Variants in GRAMD1C observed in about 807,000 individuals in gnomAD.
GRAMD1C encodes GRAM domain containing 1C.
Under a neutral mutation model 97.8 loss-of-function variants are expected in GRAMD1C, and 89 were observed. The observed-to-expected ratio is 0.91, with a 90% CI of 0.77 to 1.09. GRAMD1C has a LOEUF of 1.09. Among genes scored for constraint, GRAMD1C ranks in the 50% least tolerant of loss-of-function variants. The pLI is 0.00. For missense variants in GRAMD1C, 740 were observed against 766.4 expected (o/e 0.97, Z 0.41); for synonymous variants, 256 against 267.0 (o/e 0.96, Z 0.40).
At chr3:113,869,840 G>T (rs148307644) in intron 3 of GRAMD1C, among the ~76,000 whole-genome samples, 164 of 152,216 alleles carry the variant, frequency 1.1e-3, no homozygotes, top group Admixed American at 3.4e-3. Context: ...CGAAGATATG[G>T]AATCAACCTA....
At chr3:113,863,553 T>C (rs1934476782) in intron 2 of GRAMD1C, among the ~76,000 whole-genome samples, 1 of 152,248 alleles carries the variant, frequency 6.6e-6, no homozygotes, top group Non-Finnish European at 1.5e-5. Flanking sequence ...ATAGTGGTGA[T>C]GATTGCACAG....
chr3:113,869,741 A>G (rs1163577006), intron 3 of GRAMD1C, 150 bp downstream of exon 3: 2 of 543,622 alleles, frequency 3.7e-6, no homozygotes, highest in Non-Finnish European at 6.5e-6. Flanking sequence ...CAGCAATCCC[A>G]TTTCTGGGTA....
intron 7 of GRAMD1C, among the ~76,000 whole-genome samples, chr3:113,902,357 G>A (rs1354981961): frequency 6.6e-6 from 1 of 152,126 alleles, no homozygotes; most frequent in Non-Finnish European, 1.5e-5. Flanking sequence ...TCCTTGAGAA[G>A]TTTAGTAGCC....
rs1341241187 is a variant in GRAMD1C, at chr3:113,873,767, C to A, written c.260-1717C>A. 2.0e-5 allele frequency among the ~76,000 whole-genome samples: 3 copies of A among 152,200 alleles called. No individual in the cohort carries two copies. In the East Asian group the frequency reaches 5.8e-4, roughly 29 times the overall value. ...CTCCTGACCTCAGGTGATCTGCCCG[C>A]CTTGGCCTCCCAAAGTACTGGGATT... On this transcript the variant is annotated intron_variant, in intron 3 of 17. Transcript: ENST00000358160.
chr3:113,840,673 T>C (rs1360628813), intron 1 of GRAMD1C, among the ~76,000 whole-genome samples: 2 of 152,124 alleles, frequency 1.3e-5, no homozygotes, highest in Non-Finnish European at 2.9e-5. Context: ...GGAAGATCAC[T>C]TGAGCACAGG....
chr3:113,945,305 A>C (rs932116030), intron 17 of GRAMD1C, 93 bp from the exon 18 acceptor site: 1 of 737,420 alleles, frequency 1.4e-6, no homozygotes, highest in African/African-American at 1.8e-5. Context: ...AAACTATATT[A>C]AGTGTCACTG....
At chr3:113,945,302 A>AT in intron 17 of GRAMD1C, 96 bp from the exon 18 acceptor site, 1 of 731,758 alleles carries the variant, frequency 1.4e-6, no homozygotes, top group Non-Finnish European at 2.4e-6. Flanking sequence ...ACAAAACTAT[A>AT]TTAAGTGTCA....
chr3:113,923,238 C>T (rs769412407), intron 10 of GRAMD1C, among the ~76,000 whole-genome samples: 3 of 151,968 alleles, frequency 2.0e-5, no homozygotes, highest in Non-Finnish European at 4.4e-5. Flanking sequence ...AGTTTGATTT[C>T]CTGTTTGGAT....
chr3:113,862,112 C>A (rs1217618277), intron 2 of GRAMD1C, among the ~76,000 whole-genome samples: 1 of 152,098 alleles, frequency 6.6e-6, no homozygotes, highest in Admixed American at 6.6e-5. Flanking sequence ...AGGACCAGGG[C>A]AAAATTAGAA....
chr3:113,872,842 C>T (rs550350372), intron 3 of GRAMD1C, among the ~76,000 whole-genome samples: 3 of 148,322 alleles, frequency 2.0e-5, no homozygotes, highest in Admixed American at 6.8e-5. Flanking sequence ...GAGGCCGAGG[C>T]GGGCAGATCG....
At chr3:113,866,741 C>G (rs905908291) in intron 2 of GRAMD1C, among the ~76,000 whole-genome samples, 86 of 151,920 alleles carry the variant, frequency 5.7e-4, no homozygotes, top group Non-Finnish European at 1.0e-3. Flanking sequence ...TAATTTAATT[C>G]TGCTAAAATA....
chr3:113,868,458 G>A (rs1201262478), intron 2 of GRAMD1C, among the ~76,000 whole-genome samples: 4 of 152,094 alleles, frequency 2.6e-5, no homozygotes, highest in Non-Finnish European at 5.9e-5. Flanking sequence ...GGTTGTCATT[G>A]CTGATTTTTG....
chr3:113,939,981 A>G lies in GRAMD1C; in HGVS notation c.1787A>G (p.Glu596Gly). 6.4e-7 allele frequency: 1 copy of G among 1,569,972 alleles called. No individual in the cohort carries two copies. Among genetic ancestry groups the G allele is most frequent in the Non-Finnish European group, 8.8e-7 (1 of 1,139,804 alleles). Reference sequence around the variant, plus strand: ...TCCTTTTACCGTCTCCGCCTCCAAGAAGAGAAATCTTTAAAGTAAGTCTTT... The same window carrying G: ...TCCTTTTACCGTCTCCGCCTCCAAGGAGAGAAATCTTTAAAGTAAGTCTTT... ...AQSFYRLRLQ[E>G]EKSLNLASDM... is the part of the protein sequence containing the mutation. The change falls in exon 16 of 18, where the codon GAA (glutamate) becomes GGA (glycine). Residue 596 changes from glutamate to glycine, a missense_variant. Coordinates refer to ENST00000358160, the MANE Select transcript of GRAMD1C (RefSeq NM_017577.5).
intron 10 of GRAMD1C, among the ~76,000 whole-genome samples, chr3:113,926,763 G>T (rs2107358548): frequency 6.6e-6 from 1 of 152,268 alleles, no homozygotes; most frequent in Middle Eastern, 3.4e-3. Flanking sequence ...GAAGATTTCA[G>T]GGGGCCCAGG....
chr3:113,930,607 C>A, intron 10 of GRAMD1C, 107 bp from the exon 11 acceptor site: 3 of 650,264 alleles, frequency 4.6e-6, no homozygotes, highest in Non-Finnish European at 8.2e-6. Flanking sequence ...GAAGTTAGCA[C>A]TAGTCAAAAA....
At position 113,850,796 on chromosome 3, in the gene GRAMD1C, A is replaced by T. The variant is rs1054083471; in HGVS notation, c.174+6147A>T. 2.1e-5 allele frequency: 15 copies of T among 726,922 alleles called. No homozygotes were observed. The South Asian group carries it at 2.6e-4, about 13-fold the overall frequency. 45.0% of individuals were successfully genotyped at this position (726,922 alleles called of 1,614,324 possible). A position where few individuals can be genotyped will look rare whatever the true frequency, so the allele number is the denominator to read the frequency against. ...TATACTTAATTTTTTTTTTATTTTTATTTTTTTAATTTTTATTTTTTTTGA... is the reference window on the plus strand; with the variant it reads ...TATACTTAATTTTTTTTTTATTTTTTTTTTTTTAATTTTTATTTTTTTTGA... On this transcript the variant is annotated intron_variant, in intron 2 of 17. Transcript: ENST00000358160.
chr3:113,894,574 C>T (rs571078632), intron 6 of GRAMD1C, among the ~76,000 whole-genome samples: 14 of 152,274 alleles, frequency 9.2e-5, no homozygotes, highest in African/African-American at 3.1e-4. Context: ...CCACCACGCC[C>T]GGCCTGTACT....
At position 113,850,859 on chromosome 3, in the gene GRAMD1C, T is replaced by C. The variant is rs541903996; in HGVS notation, c.174+6210T>C. 1.4e-4 allele frequency: 49 copies of C among 348,188 alleles called. No homozygotes were observed. In the South Asian group the frequency reaches 4.0e-3, roughly 28 times the overall value. 21.6% of individuals were successfully genotyped at this position (348,188 alleles called of 1,614,324 possible). On this transcript the variant is annotated intron_variant, in intron 2 of 17. Coordinates refer to ENST00000358160, the MANE Select transcript of GRAMD1C (RefSeq NM_017577.5). The stretch of plus-strand genomic sequence containing the variant: ...CTCTGTCACCCAGGCAGGAGTGCAG[T>C]GGTGTGATCTTGGCTCACTGCAAAC...
intron 2 of GRAMD1C, among the ~76,000 whole-genome samples, chr3:113,845,928 A>G (rs1459809551): frequency 6.6e-6 from 1 of 152,116 alleles, no homozygotes; most frequent in Admixed American, 6.5e-5. Flanking sequence ...ATTTCCTATT[A>G]AGAAACGTGA....
Sources: gnomAD v4.1 joint callset for allele counts (sites outside exome capture counted in the v4.1 genomes callset) on GRCh38, gnomAD v4.1.1 for gene constraint, MANE v1.5 for transcripts, NCBI Gene and HGNC (gene_info 2026-07-23, HGNC 2026-07-21) for gene names.